The following RO60 variants were observed in gnomAD, a reference collection of about 807,000 sequenced individuals.
RO60 encodes the protein Ro60, Y RNA binding protein.
In RO60, 20 loss-of-function variants were observed where a neutral mutation model predicts 55.3. The ratio of observed to expected loss-of-function variants is 0.36; its 90% CI spans 0.25 to 0.53. The LOEUF (loss-of-function observed/expected upper bound fraction) is 0.53, where lower values mean the gene tolerates loss of function less well. RO60 is among the 20% of genes least tolerant of loss of function. The pLI is 0.92. For missense variants in RO60, 558 were observed against 646.6 expected, an observed-to-expected ratio of 0.86 and a Z score of 1.49; for synonymous variants, 213 against 213.6, an observed-to-expected ratio of 1.00 and a Z score of 0.02.
chr1:193,061,494 C>G (rs1672728049), intron 1 of RO60, among the ~76,000 whole-genome samples: 1 of 152,092 alleles, frequency 6.6e-6, no homozygotes, highest in African/African-American at 2.4e-5. Context: ...TGTGTAAATT[C>G]AAGAAAAATG....
chr1:193,072,934 A>T (rs879855571), intron 2 of RO60, among the ~76,000 whole-genome samples: 1 of 152,250 alleles, frequency 6.6e-6, no homozygotes. Flanking sequence ...AGTAATAGCA[A>T]TATCACATTG....
At chr1:193,077,581 T>C (rs1050834079) in intron 5 of RO60, among the ~76,000 whole-genome samples, 1 of 152,072 alleles carries the variant, frequency 6.6e-6, no homozygotes, top group Non-Finnish European at 1.5e-5. Flanking sequence ...AAGAACAGTA[T>C]AGGGGAAATC....
intron 2 of RO60, among the ~76,000 whole-genome samples, chr1:193,075,103 A>C: frequency 6.6e-6 from 1 of 152,114 alleles, no homozygotes; most frequent in East Asian, 1.9e-4. Context: ...TGTCCCTCAT[A>C]GACATTTTAA....
At chr1:193,063,025 T>A (rs1331255363) in intron 1 of RO60, among the ~76,000 whole-genome samples, 4 of 152,226 alleles carry the variant, frequency 2.6e-5, no homozygotes, top group Admixed American at 2.6e-4. Flanking sequence ...TAGATACATG[T>A]ATTCATTTTT....
At chr1:193,081,260 C>CT (rs1674291770) in intron 5 of RO60, 104 bp from the exon 6 acceptor site, 3 of 590,976 alleles carry the variant, frequency 5.1e-6, no homozygotes, top group Non-Finnish European at 8.7e-6. Context: ...ATCTGAAGGC[C>CT]TTTTATCAGT....
At chr1:193,083,037 A>G (rs1286077871) in intron 8 of RO60, among the ~76,000 whole-genome samples, 3 of 152,158 alleles carry the variant, frequency 2.0e-5, no homozygotes, top group Non-Finnish European at 4.4e-5. Context: ...GATTACAGCC[A>G]CCACACCTGG....
intron 1 of RO60, among the ~76,000 whole-genome samples, chr1:193,060,730 A>C (rs1446438246): frequency 6.6e-6 from 1 of 152,010 alleles, no homozygotes; most frequent in Non-Finnish European, 1.5e-5. Flanking sequence ...GTGTTGGTTT[A>C]AAAAAAATTT....
chr1:193,072,752 C>A (rs1422161530), intron 2 of RO60, among the ~76,000 whole-genome samples: 1 of 152,210 alleles, frequency 6.6e-6, no homozygotes, highest in Non-Finnish European at 1.5e-5. Context: ...CCGCCCATTA[C>A]TAGTTCTAAC....
Position 193,090,405 on chromosome 1 carries a change from CAA to C in RO60, c.*5676_*5677del, listed in dbSNP as rs1350929397. On this transcript the variant is annotated 3_prime_UTR_variant, in exon 9 of 9. Coordinates refer to ENST00000400968, the MANE Select transcript of RO60 (RefSeq NM_001173524.2). ...AAATATACAATTAATGAATAGTACT[CAA>C]AGTGTTTTTGTTGCACTGTTACTCT... The C allele has an allele frequency of 2.0e-5, 3 of 151,242 alleles. No homozygotes were observed. The highest frequency in any genetic ancestry group is 7.3e-5 in the African/African-American group (3 of 41,102). 9.4% of individuals were successfully genotyped at this position (151,242 alleles called of 1,614,324 possible). A position where few individuals can be genotyped will look rare whatever the true frequency, so the allele number is the denominator to read the frequency against.
intron 1 of RO60, among the ~76,000 whole-genome samples, chr1:193,067,266 A>G (rs1489819811): frequency 6.7e-6 from 1 of 150,084 alleles, no homozygotes; most frequent in Admixed American, 6.6e-5. Context: ...GCTCACTGCA[A>G]GCTCCGCCTC....
In RO60 at chr1:193,072,265, A is replaced by G. The variant is rs1673570251; in HGVS notation, c.580+2631A>G. 2.6e-5 allele frequency among the ~76,000 whole-genome samples: 4 copies of G among 152,282 alleles called. 1 individual carries two copies. In the South Asian group the frequency reaches 8.3e-4, roughly 32 times the overall value. On this transcript the variant is annotated intron_variant, in intron 2 of 8. Transcript: ENST00000400968. The stretch of plus-strand genomic sequence containing the variant: ...GTGATCCGCCTGCCTTGGCCTCCCA[A>G]AGTGCTGGGATTATAGGCATGAACC...
Position 193,085,303 on chromosome 1 carries a change from G to A in RO60, c.*572G>A. 4.7e-6 allele frequency: 5 copies of A among 1,066,008 alleles called. No individual in the cohort carries two copies. The highest frequency in any genetic ancestry group is 5.7e-6 in the Non-Finnish European group (5 of 881,432). The allele number at this position is 1,066,008 out of a possible 1,614,324, so 66.0% of individuals were successfully genotyped here. A position where few individuals can be genotyped will look rare whatever the true frequency, so the allele number is the denominator to read the frequency against. ...TTTTACTAAGATCACACAAATAACA[G>A]CTTTCTTATTCAGTGAAAAAGATAT... On this transcript the variant is annotated 3_prime_UTR_variant, in exon 9 of 9. Coordinates refer to ENST00000400968, the MANE Select transcript of RO60 (RefSeq NM_001173524.2).
intron 1 of RO60, among the ~76,000 whole-genome samples, chr1:193,061,257 T>C (rs559253725): frequency 1.3e-5 from 2 of 152,360 alleles, no homozygotes; most frequent in South Asian, 4.1e-4. Context: ...TCAGTTTTTA[T>C]AGCATCACAT....
At chr1:193,084,456 CA>C (rs34657291) in intron 8 of RO60, 122 bp from the exon 9 acceptor site, 4 of 1,199,826 alleles carry the variant, frequency 3.3e-6, no homozygotes, top group Middle Eastern at 2.7e-4. Context: ...TTGACCCCCG[CA>C]AAAAAATGAC....
chr1:193,069,684 T>C lies in RO60; in HGVS notation c.580+50T>C, dbSNP rs552824981. ...AGAAGGGTGGGTAAGGGATATTCAA[T>C]AAATAGCAAATTTTTATTTAACATA... On this transcript the variant is annotated intron_variant, in intron 2 of 8. Transcript: ENST00000400968. 1.9e-5 allele frequency: 27 copies of C among 1,423,356 alleles called. No homozygotes were observed. In the South Asian group the frequency reaches 3.7e-4, roughly 20 times the overall value. The allele number at this position is 1,423,356 out of a possible 1,614,324, so 88.2% of individuals were successfully genotyped here.
At chr1:193,073,358 G>A (rs988358140) in intron 2 of RO60, among the ~76,000 whole-genome samples, 1 of 152,186 alleles carries the variant, frequency 6.6e-6, no homozygotes, top group East Asian at 1.9e-4. Context: ...GCATAGAGAT[G>A]TGTTTCATGT....
chr1:193,068,135 C>G (rs374113132), intron 1 of RO60, among the ~76,000 whole-genome samples: 2 of 152,326 alleles, frequency 1.3e-5, no homozygotes, highest in East Asian at 3.9e-4. Context: ...CTTATCATGT[C>G]ATACTGGCCA....
At chr1:193,075,215 AC>A (rs1673823399) in intron 2 of RO60, among the ~76,000 whole-genome samples, 1 of 150,998 alleles carries the variant, frequency 6.6e-6, no homozygotes, top group African/African-American at 2.4e-5. Flanking sequence ...AGACTTTCTC[AC>A]CCCCAATCCA....
At chr1:193,063,197 G>A (rs1002420284) in intron 1 of RO60, among the ~76,000 whole-genome samples, 2 of 152,082 alleles carry the variant, frequency 1.3e-5, no homozygotes, top group African/African-American at 4.8e-5. Context: ...TAATATTATT[G>A]TTTTGATTAT....
Sources: gnomAD v4.1 joint callset for allele counts (sites outside exome capture counted in the v4.1 genomes callset) on GRCh38, gnomAD v4.1.1 for gene constraint, MANE v1.5 for transcripts, NCBI Gene and HGNC (gene_info 2026-07-23, HGNC 2026-07-21) for gene names.